AOPEP: variants seen among roughly 807,000 people sequenced by gnomAD.
AOPEP encodes the protein aminopeptidase O.
Under a neutral mutation model 98.1 loss-of-function variants are expected in AOPEP, and 77 were observed. The observed-to-expected ratio is 0.78, with a 90% CI of 0.65 to 0.95. AOPEP has a LOEUF of 0.95. Ranked by LOEUF, AOPEP falls within the 40% of genes least tolerant of loss-of-function variation. The pLI is 0.00. For synonymous variants in AOPEP, 346 were observed against 365.3 expected, an observed-to-expected ratio of 0.95 and a Z score of 0.60; for missense variants, 1,024 against 1,024.7, an observed-to-expected ratio of 1.00 and a Z score of 0.01.
At chr9:95,065,715 C>T (rs147428608) in intron 14 of AOPEP, among the ~76,000 whole-genome samples, 1 of 152,292 alleles carries the variant, frequency 6.6e-6, no homozygotes, top group African/African-American at 2.4e-5. Flanking sequence ...AACCAGGTCC[C>T]CCCGGGATCC....
At chr9:94,741,418 G>T (rs563846511) in intron 1 of AOPEP, among the ~76,000 whole-genome samples, 194 of 151,888 alleles carry the variant, frequency 1.3e-3, no homozygotes, top group African/African-American at 4.3e-3. Context: ...GACTACAGGC[G>T]CCCGCCACCA....
intron 5 of AOPEP, among the ~76,000 whole-genome samples, chr9:94,823,403 T>A (rs1009014482): frequency 6.6e-6 from 1 of 152,256 alleles, no homozygotes; most frequent in Admixed American, 6.5e-5. Context: ...TAGTCATGCC[T>A]TCCTTCAGAC....
chr9:95,089,679 G>A (rs2070839501), downstream of AOPEP, among the ~76,000 whole-genome samples: 1 of 152,218 alleles, frequency 6.6e-6, no homozygotes, highest in Non-Finnish European at 1.5e-5. Flanking sequence ...TGATGGAAGG[G>A]CAGGCTGGGT....
At position 95,038,606 on chromosome 9, in the gene AOPEP, C is replaced by T. The variant is rs901204500; in HGVS notation, c.2116-22088C>T. On this transcript the variant is annotated intron_variant, in intron 13 of 16. Transcript: ENST00000375315. ...TTGCACAGTGATAATGTCTCTACAA[C>T]GCAAGCACATCAGGTGTGCTCTGCC... is the stretch of plus-strand genomic sequence containing the variant. 5.3e-5 allele frequency among the ~76,000 whole-genome samples: 8 copies of T among 152,218 alleles called. No homozygotes were observed. The South Asian group carries it at 8.3e-4, about 16-fold the overall frequency.
chr9:95,007,265 G>A (rs1412405868), intron 13 of AOPEP, among the ~76,000 whole-genome samples: 1 of 151,982 alleles, frequency 6.6e-6, no homozygotes, highest in South Asian at 2.1e-4. Flanking sequence ...AAAGGAAGGG[G>A]AAGCCATTAT....
rs933205519 is a variant in AOPEP at position 95,011,363 on chromosome 9, C to T, written c.2115+5747C>T. ...GGCACGTGCCACCACGCCCCATGCC[C>T]GGCTAATTTTTTTTGTTTTTAGTAG... On this transcript the variant is annotated intron_variant, in intron 13 of 16. Coordinates refer to ENST00000375315, the MANE Select transcript of AOPEP (RefSeq NM_001193329.3). 5.3e-5 allele frequency among the ~76,000 whole-genome samples: 8 copies of T among 151,966 alleles called. No individual in the cohort carries two copies. In the South Asian group the frequency reaches 8.3e-4, roughly 16 times the overall value.
At chr9:94,764,108 A>G (rs1408518552) in intron 2 of AOPEP, among the ~76,000 whole-genome samples, 3 of 152,224 alleles carry the variant, frequency 2.0e-5, no homozygotes, top group East Asian at 1.9e-4. Context: ...GTCAATATCA[A>G]TAGTGATAAT....
chr9:94,856,379 C>A lies in AOPEP; in HGVS notation c.1364+55377C>A, dbSNP rs367584066. ...GCAGAAGGCCGGGTGCGGTGGCTCA[C>A]GCCTGTAATCCCAGCACTTTAGGAG... On this transcript the variant is annotated intron_variant, in intron 5 of 16. Coordinates refer to ENST00000375315, the MANE Select transcript of AOPEP (RefSeq NM_001193329.3). Among the ~76,000 whole-genome samples the A allele has an allele frequency of 9.9e-5, 15 of 152,250 alleles. 1 individual carries two copies. The East Asian group carries it at 2.7e-3, about 27-fold the overall frequency.
chr9:94,936,873 T>G (rs551750621), intron 7 of AOPEP, among the ~76,000 whole-genome samples: 2 of 152,320 alleles, frequency 1.3e-5, no homozygotes, highest in South Asian at 4.1e-4. Context: ...TCACATTTAC[T>G]CCTTTATTAT....
intron 14 of AOPEP, among the ~76,000 whole-genome samples, chr9:95,073,839 CA>C (rs1564605921): frequency 3.3e-5 from 5 of 152,128 alleles, no homozygotes; most frequent in Admixed American, 3.3e-4. Flanking sequence ...AGCCTGGCAA[CA>C]AAGTGAGACT....
At chr9:95,112,384 A>G in the AOPEP span, among the ~76,000 whole-genome samples, 49 of 152,262 alleles carry the variant, frequency 3.2e-4, no homozygotes, top group Non-Finnish European at 4.4e-4. Context: ...ATCTTCCTGC[A>G]TGTTCCTCTG....
intron 12 of AOPEP, 31 bp from the exon 13 acceptor site, chr9:95,005,508 CCTT>C: frequency 6.3e-7 from 1 of 1,595,946 alleles, no homozygotes; most frequent in South Asian, 1.1e-5. Context: ...GACCCTGTCG[CCTT>C]CTTTGAAATG....
intron 14 of AOPEP, among the ~76,000 whole-genome samples, chr9:95,077,060 G>T (rs577142387): frequency 2.6e-5 from 4 of 152,166 alleles, no homozygotes; most frequent in Non-Finnish European, 5.9e-5. Flanking sequence ...GGGGAGGAGA[G>T]GGGGAGGGGA....
intron 5 of AOPEP, among the ~76,000 whole-genome samples, chr9:94,884,756 A>G (rs1335007261): frequency 2.6e-5 from 4 of 152,066 alleles, no homozygotes; most frequent in Non-Finnish European, 5.9e-5. Context: ...TCACGCCTGT[A>G]ATCCCAGCAC....
chr9:95,099,502 G>T, the AOPEP span: 2 of 228,478 alleles, frequency 8.8e-6, no homozygotes, highest in African/African-American at 4.5e-5. Context: ...TGCCGAAATC[G>T]AAGGCAACAA....
At chr9:94,774,236 T>C (rs986317520) in intron 3 of AOPEP, among the ~76,000 whole-genome samples, 41 of 138,680 alleles carry the variant, frequency 3.0e-4, no homozygotes, top group Non-Finnish European at 5.0e-4. Context: ...GGCGTGAACC[T>C]GGGAGATGGA....
chr9:95,006,128 C>T (rs1340217528), intron 13 of AOPEP: 1 of 470,640 alleles, frequency 2.1e-6, no homozygotes, highest in Admixed American at 2.4e-5. Flanking sequence ...TTTAGAATTT[C>T]AGTATGTTAC....
chr9:95,045,577 G>T (rs954065685), intron 13 of AOPEP, among the ~76,000 whole-genome samples: 2 of 152,224 alleles, frequency 1.3e-5, no homozygotes, highest in Non-Finnish European at 2.9e-5. Flanking sequence ...GAGGGCTCTG[G>T]GTCGGGACCC....
intron 7 of AOPEP, among the ~76,000 whole-genome samples, chr9:94,942,289 C>T (rs1016849151): frequency 2.0e-5 from 3 of 152,200 alleles, no homozygotes; most frequent in Non-Finnish European, 2.9e-5. Flanking sequence ...TCTCATGTAA[C>T]GCCAAATTCA....
Sources: gnomAD v4.1 joint callset for allele counts (sites outside exome capture counted in the v4.1 genomes callset) on GRCh38, gnomAD v4.1.1 for gene constraint, MANE v1.5 for transcripts, NCBI Gene and HGNC (gene_info 2026-07-23, HGNC 2026-07-21) for gene names.